Variants in KAZN observed in about 807,000 individuals in gnomAD.
KAZN encodes the protein kazrin, periplakin interacting protein, also known as kazrin.
In KAZN, 40 loss-of-function variants were observed where a neutral mutation model predicts 87.4. That is an observed-to-expected ratio of 0.46 (90% CI 0.36 to 0.60). KAZN has a LOEUF of 0.60. Among genes scored for constraint, KAZN ranks in the 20% least tolerant of loss-of-function variants. The probability of loss-of-function intolerance (pLI) is 0.00; values close to 1 mark genes in which losing one functional copy is unlikely to be tolerated. For synonymous variants in KAZN, 466 were observed against 458.3 expected, an observed-to-expected ratio of 1.02 and a Z score of -0.22; for missense variants, 898 against 1,073.9, an observed-to-expected ratio of 0.84 and a Z score of 2.29.
At chr1:14,312,291 T>G (rs1655358270) in intron 2 of KAZN, among the ~76,000 whole-genome samples, 3 of 152,316 alleles carry the variant, frequency 2.0e-5, no homozygotes, top group Middle Eastern at 3.4e-3. Context: ...TCTTTGCAGA[T>G]TACTTTGGGA....
chr1:14,092,000 C>T (rs1267324732), intron 1 of KAZN, among the ~76,000 whole-genome samples: 1 of 151,390 alleles, frequency 6.6e-6, no homozygotes, highest in Non-Finnish European at 1.5e-5. Flanking sequence ...CTACTGTCAT[C>T]ATCATTATCC....
intron 1 of KAZN, among the ~76,000 whole-genome samples, chr1:14,700,447 G>A (rs564076162): frequency 2.0e-5 from 3 of 151,732 alleles, no homozygotes; most frequent in African/African-American, 7.2e-5. Context: ...CTCCAGCCTG[G>A]GCTACAGAAC....
At position 15,101,712 on chromosome 1, in the gene KAZN, T is replaced by A. The variant is rs1557800213; in HGVS notation, c.1717T>A (p.Phe573Ile). 2 of 1,595,642 alleles carry A rather than the reference T, an allele frequency of 1.3e-6. No homozygotes were observed. The highest frequency in any genetic ancestry group is 1.7e-6 in the Non-Finnish European group (2 of 1,170,924). ...LEKHLNVSKK[F>I]HQVSILLGIE... The stretch of plus-strand genomic sequence containing the variant: ...GAAGCACCTGAACGTGTCCAAGAAG[T>A]TCCACCAGGTCAGCATCCTGCTGGG... Residue 573 changes from phenylalanine to isoleucine, a missense_variant, in exon 11 of 15, where the codon TTC (phenylalanine) becomes ATC (isoleucine). This residue lies in a region of KAZN where 521 missense variants were observed against 689.4 expected (regional missense o/e 0.76). Coordinates refer to ENST00000376030, the MANE Select transcript of KAZN (RefSeq NM_201628.3).
At chr1:14,812,735 A>G (rs2100791654) in intron 1 of KAZN, among the ~76,000 whole-genome samples, 1 of 152,156 alleles carries the variant, frequency 6.6e-6, no homozygotes, top group East Asian at 1.9e-4. Flanking sequence ...GACTGGTCTC[A>G]AATCCTGGCC....
At chr1:14,278,069 C>G (rs1652525886) in intron 2 of KAZN, among the ~76,000 whole-genome samples, 1 of 149,126 alleles carries the variant, frequency 6.7e-6, no homozygotes, top group East Asian at 2.1e-4. Context: ...ACTCAGGAGG[C>G]TGAGGCAGGA....
chr1:15,053,445 G>T (rs1203569020), intron 4 of KAZN, among the ~76,000 whole-genome samples: 2 of 152,198 alleles, frequency 1.3e-5, no homozygotes, highest in East Asian at 3.9e-4. Flanking sequence ...ACACAACAAA[G>T]GCTCTGTGAA....
rs553518556 is a variant in KAZN at position 14,385,331 on chromosome 1, T to C, written c.249+204739T>C. Among the ~76,000 whole-genome samples, 5 of 152,358 alleles carry C rather than the reference T, an allele frequency of 3.3e-5. No individual in the cohort carries two copies. The South Asian group carries it at 8.3e-4, about 25-fold the overall frequency. On this transcript the variant is annotated intron_variant, in intron 2 of 16. Coordinates refer to the KAZN transcript ENST00000636203. Reference sequence around the variant, plus strand: ...ATTTCCTTCAGTTCTGCTCTGATTTTAGTTATTTCTTGCCTTCTGCTAGCT... The same window carrying C: ...ATTTCCTTCAGTTCTGCTCTGATTTCAGTTATTTCTTGCCTTCTGCTAGCT...
At chr1:14,658,402 C>T (rs561425502) in intron 1 of KAZN, among the ~76,000 whole-genome samples, 1 of 152,256 alleles carries the variant, frequency 6.6e-6, no homozygotes, top group African/African-American at 2.4e-5. Flanking sequence ...CAACTCTGAG[C>T]CTCAGTTCCT....
chr1:14,226,265 T>C (rs1383828226), intron 2 of KAZN, among the ~76,000 whole-genome samples: 3 of 152,020 alleles, frequency 2.0e-5, no homozygotes, highest in Non-Finnish European at 2.9e-5. Context: ...CAGACACTTC[T>C]CAAAAGAAGA....
intron 4 of KAZN, among the ~76,000 whole-genome samples, chr1:15,055,645 T>C (rs72639855): frequency 0.038 from 5,826 of 152,332 alleles, 172 homozygotes; most frequent in Non-Finnish European, 0.061. Context: ...ACTTGTTGTA[T>C]GACCTTGAGC....
chr1:15,022,337 T>TG (rs776950966), intron 2 of KAZN, among the ~76,000 whole-genome samples: 3 of 152,146 alleles, frequency 2.0e-5, no homozygotes, highest in Non-Finnish European at 4.4e-5. Context: ...CCTCTCTGGC[T>TG]GTTAGGCAGT....
chr1:14,038,164 C>A (rs1473198987), intron 1 of KAZN, among the ~76,000 whole-genome samples: 5 of 152,204 alleles, frequency 3.3e-5, no homozygotes, highest in African/African-American at 9.6e-5. Context: ...AAGTGACAAG[C>A]AATACTCTAT....
At chr1:14,135,303 C>T (rs1645084852) in intron 1 of KAZN, among the ~76,000 whole-genome samples, 1 of 152,172 alleles carries the variant, frequency 6.6e-6, no homozygotes, top group South Asian at 2.1e-4. Context: ...TGTTCCTCTT[C>T]AAGGGACAGT....
At chr1:14,625,755 G>A (rs1679092397) in intron 1 of KAZN, among the ~76,000 whole-genome samples, 1 of 152,232 alleles carries the variant, frequency 6.6e-6, no homozygotes, top group Non-Finnish European at 1.5e-5. Flanking sequence ...GGAGGTTTGT[G>A]CGTTGGACGA....
intron 2 of KAZN, among the ~76,000 whole-genome samples, chr1:14,366,584 G>A (rs1660016607): frequency 6.6e-6 from 1 of 152,212 alleles, no homozygotes; most frequent in Non-Finnish European, 1.5e-5. Context: ...TTGTGGGAGG[G>A]AACACACAAG....
chr1:14,420,720 C>T lies in KAZN; in HGVS notation c.250-178263C>T, dbSNP rs1253882792. On this transcript the variant is annotated intron_variant, in intron 2 of 16. Transcript: ENST00000636203. ...AGGCCGTCTCTGCTGGGGGACCTGGCGCACCCTTTGCAGCTGTTGGCCCAG... is the reference window on the plus strand; with the variant it reads ...AGGCCGTCTCTGCTGGGGGACCTGGTGCACCCTTTGCAGCTGTTGGCCCAG... Among the ~76,000 whole-genome samples, 6 of 152,258 alleles carry T rather than the reference C, an allele frequency of 3.9e-5. No homozygotes were observed. The South Asian group carries it at 6.2e-4, about 16-fold the overall frequency.
chr1:14,473,925 T>C (rs1288008643), intron 2 of KAZN, among the ~76,000 whole-genome samples: 1 of 152,220 alleles, frequency 6.6e-6, no homozygotes, highest in African/African-American at 2.4e-5. Flanking sequence ...AGGCTTTCCT[T>C]GATCAGGTGA....
chr1:14,012,786 A>G (rs1640374936), intron 1 of KAZN, among the ~76,000 whole-genome samples: 1 of 152,248 alleles, frequency 6.6e-6, no homozygotes, highest in Non-Finnish European at 1.5e-5. Flanking sequence ...TGGAGATTGC[A>G]CCACTTCATT....
At chr1:14,675,766 ATTGT>A (rs1256495733) in intron 1 of KAZN, among the ~76,000 whole-genome samples, 4 of 152,156 alleles carry the variant, frequency 2.6e-5, no homozygotes, top group Non-Finnish European at 4.4e-5. Flanking sequence ...GTGCTCAATA[ATTGT>A]TTGTTCATTG....
Sources: gnomAD v4.1 joint callset for allele counts (sites outside exome capture counted in the v4.1 genomes callset) on GRCh38, gnomAD v4.1.1 for gene constraint, gnomAD v4.1.1 regional missense constraint, MANE v1.5 for transcripts, NCBI Gene and HGNC (gene_info 2026-07-23, HGNC 2026-07-21) for gene names.